MMP16: variants seen among roughly 807,000 people sequenced by gnomAD.
MMP16 encodes matrix metallopeptidase 16, also known as matrix metalloproteinase-16.
MMP16 carries 12 observed loss-of-function variants against 67.8 expected under a neutral mutation model. The ratio of observed to expected loss-of-function variants is 0.18; its 90% confidence interval spans 0.11 to 0.29. The LOEUF is 0.29. Among genes scored for constraint, MMP16 ranks in the 10% least tolerant of loss-of-function variants. The probability of loss-of-function intolerance (pLI) is 1.00; values close to 1 mark genes in which losing one functional copy is unlikely to be tolerated. For synonymous variants in MMP16, 249 were observed against 255.9 expected (o/e 0.97, Z 0.26); for missense variants, 475 against 765.7 (o/e 0.62, Z 4.48).
chr8:88,079,381 T>G (rs911568616), intron 6 of MMP16, among the ~76,000 whole-genome samples: 2 of 152,172 alleles, frequency 1.3e-5, no homozygotes, highest in Non-Finnish European at 2.9e-5. Flanking sequence ...AATCTCGTAC[T>G]GTGCCTACTT....
chr8:88,180,268 T>A, intron 3 of MMP16, among the ~76,000 whole-genome samples: 1 of 147,610 alleles, frequency 6.8e-6, no homozygotes, highest in African/African-American at 2.5e-5. Context: ...GCAACAAGAG[T>A]GAAACTCCGT....
chr8:88,122,533 A>G (rs1246792264), intron 4 of MMP16, among the ~76,000 whole-genome samples: 1 of 151,958 alleles, frequency 6.6e-6, no homozygotes, highest in Non-Finnish European at 1.5e-5. Flanking sequence ...TCTAATTTTA[A>G]ATATATAAAT....
chr8:88,269,552 A>G (rs6993710), intron 1 of MMP16, among the ~76,000 whole-genome samples: 119,579 of 152,102 alleles, frequency 0.79, 47,581 homozygotes, highest in East Asian at 0.99. Context: ...TGAGACTAGA[A>G]CTGATGGCTA....
At chr8:88,126,029 A>C (rs1231781802) in intron 4 of MMP16, among the ~76,000 whole-genome samples, 1 of 151,956 alleles carries the variant, frequency 6.6e-6, no homozygotes, top group Non-Finnish European at 1.5e-5. Context: ...AAATAATAAT[A>C]CAAATTATTA....
At chr8:88,175,948 C>G (rs1808883037) in intron 3 of MMP16, among the ~76,000 whole-genome samples, 1 of 152,210 alleles carries the variant, frequency 6.6e-6, no homozygotes, top group Non-Finnish European at 1.5e-5. Flanking sequence ...CCTTTGCCTT[C>G]TGCCATGATT....
intron 6 of MMP16, among the ~76,000 whole-genome samples, chr8:88,080,202 A>G (rs1808722275): frequency 1.3e-5 from 2 of 152,272 alleles, no homozygotes; most frequent in Non-Finnish European, 2.9e-5. Flanking sequence ...AGTACAACAC[A>G]TTTACTAGAC....
intron 6 of MMP16, among the ~76,000 whole-genome samples, chr8:88,101,618 G>T (rs1809147163): frequency 6.6e-6 from 1 of 151,824 alleles, no homozygotes; most frequent in African/African-American, 2.4e-5. Flanking sequence ...GCAGCCCAAA[G>T]AATGCAGAGA....
intron 6 of MMP16, among the ~76,000 whole-genome samples, chr8:88,097,002 G>A (rs1206455863): frequency 6.6e-6 from 1 of 151,802 alleles, no homozygotes; most frequent in Non-Finnish European, 1.5e-5. Flanking sequence ...CATTCCTAGG[G>A]CAAAATCTGC....
chr8:88,131,240 A>T (rs1432763286), intron 4 of MMP16, among the ~76,000 whole-genome samples: 5 of 149,492 alleles, frequency 3.3e-5, no homozygotes, highest in Non-Finnish European at 7.4e-5. Flanking sequence ...TTTCTTCCCT[A>T]TGCTGAGTAT....
intron 1 of MMP16, among the ~76,000 whole-genome samples, chr8:88,312,523 T>C (rs940762445): frequency 3.9e-5 from 6 of 152,024 alleles, no homozygotes; most frequent in African/African-American, 1.4e-4. Context: ...TGATAAGTTT[T>C]GACATACACA....
intron 6 of MMP16, among the ~76,000 whole-genome samples, chr8:88,109,292 G>A (rs1273497122): frequency 6.6e-6 from 1 of 151,016 alleles, no homozygotes; most frequent in Non-Finnish European, 1.5e-5. Context: ...AATTTTTTCT[G>A]TTGACTTTCA....
At chr8:88,084,324 C>G (rs1343673041) in intron 6 of MMP16, among the ~76,000 whole-genome samples, 2 of 151,830 alleles carry the variant, frequency 1.3e-5, no homozygotes, top group Non-Finnish European at 2.9e-5. Flanking sequence ...TTTTGTTAGG[C>G]CAAATCTAAT....
At chr8:88,308,191 T>C (rs576977692) in intron 1 of MMP16, among the ~76,000 whole-genome samples, 8 of 152,224 alleles carry the variant, frequency 5.3e-5, no homozygotes, top group Non-Finnish European at 1.0e-4. Flanking sequence ...ATCCTTACCA[T>C]GGCCACATCA....
At chr8:88,312,167 G>C (rs1186709127) in intron 1 of MMP16, among the ~76,000 whole-genome samples, 1 of 152,188 alleles carries the variant, frequency 6.6e-6, no homozygotes, top group East Asian at 1.9e-4. Flanking sequence ...GCTGAGAAGA[G>C]AGATGCCAAC....
chr8:88,196,362 T>A (rs967971340), intron 2 of MMP16, among the ~76,000 whole-genome samples: 6 of 152,190 alleles, frequency 3.9e-5, no homozygotes, highest in Non-Finnish European at 7.3e-5. Context: ...TGTTTCATAA[T>A]CTTACGAAAC....
intron 6 of MMP16, among the ~76,000 whole-genome samples, chr8:88,106,412 T>C (rs542495831): frequency 1.3e-5 from 2 of 151,418 alleles, no homozygotes; most frequent in East Asian, 3.9e-4. Flanking sequence ...TAAGTTCCTC[T>C]TGCTGGACAT....
chr8:88,056,479 G>T (rs1808334274), intron 7 of MMP16, among the ~76,000 whole-genome samples: 1 of 151,150 alleles, frequency 6.6e-6, no homozygotes, highest in Non-Finnish European at 1.5e-5. Context: ...TCATTCAGAA[G>T]TGGATATAAT....
chr8:88,237,490 T>C (rs537172155), intron 1 of MMP16, among the ~76,000 whole-genome samples: 2 of 152,052 alleles, frequency 1.3e-5, no homozygotes, highest in East Asian at 1.9e-4. Context: ...CTACTAAATA[T>C]ACAAAAAATT....
intron 4 of MMP16, among the ~76,000 whole-genome samples, chr8:88,128,072 C>A (rs562603265): frequency 4.8e-4 from 73 of 151,846 alleles, no homozygotes; most frequent in Non-Finnish European, 9.1e-4. Flanking sequence ...AAATAGCATT[C>A]CAGCTGCAAG....
Sources: allele counts gnomAD v4.1 joint callset (sites outside exome capture counted in the v4.1 genomes callset), GRCh38; gene constraint gnomAD v4.1.1; transcripts MANE v1.5; gene names NCBI Gene and HGNC (gene_info 2026-07-23, HGNC 2026-07-21).